Variants in TAPBP observed in about 807,000 individuals in gnomAD.
TAPBP encodes the protein TAP binding protein.
TAPBP carries 38 observed loss-of-function variants against 45.7 expected under a neutral mutation model. The observed-to-expected ratio is 0.83, with a 90% confidence interval of 0.64 to 1.09. TAPBP has a LOEUF of 1.09. Ranked by LOEUF, TAPBP falls within the 50% of genes least tolerant of loss-of-function variation. The probability of loss-of-function intolerance (pLI) is 0.00; values close to 1 mark genes in which losing one functional copy is unlikely to be tolerated. For missense variants in TAPBP, 513 were observed against 587.3 expected, an observed-to-expected ratio of 0.87 and a Z score of 1.31; for synonymous variants, 226 against 254.8, an observed-to-expected ratio of 0.89 and a Z score of 1.08.
chr6:33,309,811 G>A (rs1468552031), intron 3 of TAPBP, among the ~76,000 whole-genome samples: 26 of 136,816 alleles, frequency 1.9e-4, no homozygotes, highest in South Asian at 7.7e-4. Flanking sequence ...TGCAACCTCC[G>A]CCTCCCAGGT....
In TAPBP at chr6:33,313,546, G is replaced by A. The variant is rs1581759049; in HGVS notation, c.209-69C>T. On this transcript the variant is annotated intron_variant, in intron 2 of 7. Coordinates refer to ENST00000434618, the MANE Select transcript of TAPBP (RefSeq NM_003190.5). This position sits in a 1 kb window ranked among gnomAD's most constrained non-coding sequence, Gnocchi z 7.2. ...GAAAGGGGCTGGAAGGGCAGCGTTC[G>A]GGGAACTTCAAATGCACAGACTACC... 3.3e-6 allele frequency: 5 copies of A among 1,509,850 alleles called. No individual in the cohort carries two copies. The highest frequency in any genetic ancestry group is 2.4e-5 in the East Asian group (1 of 42,514). 93.5% of individuals were successfully genotyped at this position (1,509,850 alleles called of 1,614,324 possible).
In TAPBP at chr6:33,314,025, A is replaced by G; in HGVS notation, c.17T>C (p.Leu6Pro). Residue 6 changes from leucine to proline, a missense_variant, in exon 1 of 8, where the codon CTG becomes CCG. Transcript: ENST00000434618. The stretch of plus-strand genomic sequence containing the variant: ...CTCACCCAAAGCCACAGCGAGGAGC[A>G]GAGACAGGGACTTCATGGCGCTGCG... Reference protein sequence around the residue: MKSLSLLLAVALGLAT... With the variant: MKSLSPLLAVALGLAT... 3 of 1,614,032 alleles carry G rather than the reference A, an allele frequency of 1.9e-6. No homozygotes were observed. The highest frequency in any genetic ancestry group is 2.2e-5 in the East Asian group (1 of 44,884).
intron 3 of TAPBP, among the ~76,000 whole-genome samples, chr6:33,310,726 C>T (rs1218580268): frequency 6.6e-6 from 1 of 151,556 alleles, no homozygotes; most frequent in Admixed American, 6.6e-5. Flanking sequence ...GACTGAGGCA[C>T]GAGGATCACT....
In TAPBP at chr6:33,313,718, G is replaced by A; in HGVS notation, c.184C>T (p.Pro62Ser). Residue 62 changes from proline (P) to serine (S), a missense_variant, in exon 2 of 8, where the codon CCT becomes TCT. Coordinates refer to ENST00000434618, the MANE Select transcript of TAPBP (RefSeq NM_003190.5). The surrounding 1 kb of genome is among the most constrained non-coding windows in gnomAD (Gnocchi z 7.2). ...GEPPPRPDLD[P>S]ELYLSVHDPA... ...CCGTGTACACTGAGATAGAGCTCAG[G>A]GTCGAGGTCCGGCCGGGGCGGCGGT... The A allele has an allele frequency of 6.2e-7, 1 of 1,613,332 alleles. No individual in the cohort carries two copies. Among genetic ancestry groups the A allele is most frequent in the Non-Finnish European group, 8.5e-7 (1 of 1,179,932 alleles).
At chr6:33,304,103 T>C in intron 6 of TAPBP, 25 bp downstream of exon 6, 5 of 1,612,068 alleles carry the variant, frequency 3.1e-6, no homozygotes, top group Non-Finnish European at 4.2e-6. Flanking sequence ...CCTCAGGTCA[T>C]GGTCAGGGTA....
At chr6:33,312,086 C>T (rs1769389775) in intron 3 of TAPBP, among the ~76,000 whole-genome samples, 1 of 152,208 alleles carries the variant, frequency 6.6e-6, no homozygotes, top group Non-Finnish European at 1.5e-5. Context: ...CCACATTTTA[C>T]AGTTGGAAAA....
chr6:33,311,037 C>A (rs751580127), intron 3 of TAPBP, among the ~76,000 whole-genome samples: 2 of 152,142 alleles, frequency 1.3e-5, no homozygotes, highest in African/African-American at 2.4e-5. Flanking sequence ...GCACAGCAGG[C>A]CGGGCGTGGT....
rs556826609 is a variant in TAPBP at position 33,304,701 on chromosome 6, C to T, written c.869-63G>A. On this transcript the variant is annotated intron_variant, in intron 4 of 7. Coordinates refer to ENST00000434618, the MANE Select transcript of TAPBP (RefSeq NM_003190.5). ...TCCATACTGTCCTCCCTAAGAGACC[C>T]TCAGTTTGCCTGCTGGCTTCCTCAG... The T allele has an allele frequency of 1.5e-5, 22 of 1,481,148 alleles. No individual in the cohort carries two copies. The South Asian group carries it at 2.7e-4, about 18-fold the overall frequency. The allele number at this position is 1,481,148 out of a possible 1,614,324, so 91.8% of individuals were successfully genotyped here. A position where few individuals can be genotyped will look rare whatever the true frequency, so the allele number is the denominator to read the frequency against.
intron 3 of TAPBP, among the ~76,000 whole-genome samples, chr6:33,308,798 A>T (rs1461174207): frequency 2.6e-5 from 4 of 151,986 alleles, no homozygotes; most frequent in Non-Finnish European, 5.9e-5. Flanking sequence ...GGCCCAAGAC[A>T]ATTCTTCTCC....
rs1769596580 is a variant in TAPBP, at chr6:33,313,958, T to C, written c.37+47A>G. 6.2e-7 allele frequency: 1 copy of C among 1,613,534 alleles called. No homozygotes were observed. On this transcript the variant is annotated intron_variant, in intron 1 of 7. Coordinates refer to ENST00000434618, the MANE Select transcript of TAPBP (RefSeq NM_003190.5). The surrounding 1 kb of genome is among the most constrained non-coding windows in gnomAD (Gnocchi z 7.2). Reference sequence around the variant, plus strand: ...ATCGGCTCCAGTGGGGCCACCTCCCTCCGCTTCCCTCTAGTTCTTGGGCGA... The same window carrying C: ...ATCGGCTCCAGTGGGGCCACCTCCCCCCGCTTCCCTCTAGTTCTTGGGCGA...
intron 4 of TAPBP, 101 bp from the exon 5 acceptor site, chr6:33,304,739 T>C: frequency 7.2e-7 from 1 of 1,385,550 alleles, no homozygotes. Flanking sequence ...CTAAAGAAGG[T>C]TAGGTTTCTT....
intron 3 of TAPBP, among the ~76,000 whole-genome samples, chr6:33,309,242 G>A (rs1478835824): frequency 3.3e-5 from 5 of 152,000 alleles, no homozygotes; most frequent in Admixed American, 1.3e-4. Context: ...AGAATTATCC[G>A]GGCATGGTGG....
chr6:33,306,664 C>T lies in TAPBP; in HGVS notation c.470-1277G>A, dbSNP rs377258874. Among the ~76,000 whole-genome samples the T allele has an allele frequency of 9.2e-5, 14 of 152,294 alleles. No homozygotes were observed. In the East Asian group the frequency reaches 2.5e-3, roughly 27 times the overall value. The stretch of plus-strand genomic sequence containing the variant: ...AAACAAAGTGACTACAAGTCTGATC[C>T]CATCACCTACCTGTTTAAAAATCCC... On this transcript the variant is annotated intron_variant, in intron 3 of 7. Transcript: ENST00000434618.
rs779083533 is a variant in TAPBP at position 33,313,822 on chromosome 6, C to A, written c.80G>T (p.Cys27Phe). 1 of 1,613,800 alleles carries A rather than the reference C, an allele frequency of 6.2e-7. No homozygotes were observed. The highest frequency in any genetic ancestry group is 8.5e-7 in the Non-Finnish European group (1 of 1,180,038). ...TCCGCTCGCATCCTCCACGAACCAA[C>A]ACTCGATCACCGCGGGTCCTGCTGA... ...AVSAGPAVIECWFVEDASGKG... is the reference protein window; with the variant it reads ...AVSAGPAVIEFWFVEDASGKG... Residue 27 changes from cysteine to phenylalanine, a missense_variant, in exon 2 of 8, where the codon TGT becomes TTT. Transcript: ENST00000434618. This position sits in a 1 kb window ranked among gnomAD's most constrained non-coding sequence, Gnocchi z 7.2.
chr6:33,307,292 C>T (rs926424238), intron 3 of TAPBP, among the ~76,000 whole-genome samples: 4 of 149,974 alleles, frequency 2.7e-5, no homozygotes, highest in Non-Finnish European at 1.5e-5. Flanking sequence ...CGTCTCAAAA[C>T]TAAATAAATA....
chr6:33,308,622 C>CTA, intron 3 of TAPBP, among the ~76,000 whole-genome samples: 1 of 152,300 alleles, frequency 6.6e-6, no homozygotes, highest in Admixed American at 6.5e-5. Flanking sequence ...TCCCAAACAT[C>CTA]TATCAAGCTT....
Position 33,313,960 on chromosome 6 carries a change from C to A in TAPBP, c.37+45G>T, listed in dbSNP as rs374792009. ...CGGCTCCAGTGGGGCCACCTCCCTC[C>A]GCTTCCCTCTAGTTCTTGGGCGATG... On this transcript the variant is annotated intron_variant, in intron 1 of 7. Transcript: ENST00000434618. This position sits in a 1 kb window ranked among gnomAD's most constrained non-coding sequence, Gnocchi z 7.2. The A allele has an allele frequency of 3.1e-6, 5 of 1,613,702 alleles. No individual in the cohort carries two copies. Among genetic ancestry groups the A allele is most frequent in the Non-Finnish European group, 4.2e-6 (5 of 1,179,858 alleles).
chr6:33,303,642 C>A (rs1768733052), intron 7 of TAPBP: 1 of 1,150,070 alleles, frequency 8.7e-7, no homozygotes, highest in Non-Finnish European at 1.2e-6. Context: ...GTTAATTTTA[C>A]CTGTTTCTGC....
In TAPBP at chr6:33,304,435, C is replaced by T; in HGVS notation, c.1072G>A (p.Gly358Ser). ...WLSALRHHSD[G>S]SVSLSGHLQP... is the part of the protein sequence containing the mutation. ...AAGTGCCCAGAGAGGCTGACAGAGC[C>T]ATCGGAATGGTGGCGCAGGGCCGAG... Residue 358 changes from glycine to serine, a missense_variant, in exon 5 of 8, where the codon GGC (glycine) becomes AGC (serine). Coordinates refer to ENST00000434618, the MANE Select transcript of TAPBP (RefSeq NM_003190.5). 1.2e-6 allele frequency: 2 copies of T among 1,611,720 alleles called. No homozygotes were observed. The highest frequency in any genetic ancestry group is 1.7e-6 in the Non-Finnish European group (2 of 1,178,812).
Sources: gnomAD v4.1 joint callset for allele counts (sites outside exome capture counted in the v4.1 genomes callset) on GRCh38, gnomAD v4.1.1 for gene constraint, Gnocchi (gnomAD v3.1) non-coding constraint, MANE v1.5 for transcripts, NCBI Gene and HGNC (gene_info 2026-07-23, HGNC 2026-07-21) for gene names.